Variants in PBRM1 observed in about 807,000 individuals in gnomAD.
PBRM1 encodes the protein polybromo 1, also known as protein polybromo-1.
In PBRM1, 27 loss-of-function variants were observed where a neutral mutation model predicts 194.5. The ratio of observed to expected loss-of-function variants is 0.14; its 90% CI spans 0.10 to 0.19. PBRM1 has a LOEUF of 0.19. Among genes scored for constraint, PBRM1 ranks in the 10% least tolerant of loss-of-function variants. The pLI, the probability that PBRM1 is intolerant of heterozygous loss-of-function variation, is 1.00. For missense variants in PBRM1, 1,466 were observed against 2,077.2 expected (o/e 0.71, Z 5.72); for synonymous variants, 655 against 693.2 (o/e 0.94, Z 0.87).
At chr3:52,604,613 A>G (rs2094218943) in intron 16 of PBRM1, among the ~76,000 whole-genome samples, 1 of 152,006 alleles carries the variant, frequency 6.6e-6, no homozygotes. Flanking sequence ...GGGTCACTTG[A>G]GCCCAGGAGT....
intron 5 of PBRM1, 124 bp from the exon 7 acceptor site, chr3:52,651,934 T>G: frequency 1.6e-6 from 1 of 635,162 alleles, no homozygotes; most frequent in South Asian, 2.0e-5. Flanking sequence ...GATTCAAGAC[T>G]AAAGACATGG....
chr3:52,570,969 C>T (rs559467022), intron 22 of PBRM1, among the ~76,000 whole-genome samples: 69 of 151,890 alleles, frequency 4.5e-4, no homozygotes, highest in African/African-American at 1.7e-3. Flanking sequence ...GCGACTCTCC[C>T]ATCTTGGCCT....
At chr3:52,684,630 C>T (rs2154088752), upstream of PBRM1, among the ~76,000 whole-genome samples, 1 of 152,284 alleles carries the variant, frequency 6.6e-6, no homozygotes, top group Non-Finnish European at 1.5e-5. Context: ...TATTATTCTA[C>T]AGCCTGTGTT....
chr3:52,617,861 G>C (rs937804441), intron 13 of PBRM1, among the ~76,000 whole-genome samples: 2 of 152,128 alleles, frequency 1.3e-5, no homozygotes, highest in African/African-American at 4.8e-5. Context: ...AGTCAACTGA[G>C]ATATATTTTT....
At chr3:52,587,374 C>G (rs775626700) in exon 19 of PBRM1, 1 of 1,609,838 alleles carries the variant, frequency 6.2e-7, no homozygotes, top group Admixed American at 1.7e-5. Context: ...TGACCACACA[C>G]TTGCCTAGAA....
At position 52,575,585 on chromosome 3, in the gene PBRM1, C is replaced by G. The variant is rs183933638; in HGVS notation, c.3691+956G>C. 2.2e-3 allele frequency among the ~76,000 whole-genome samples: 229 copies of G among 106,052 alleles called. 8 individuals carry two copies. In the East Asian group the frequency reaches 0.056, roughly 26 times the overall value. 69.6% of individuals were successfully genotyped at this position (106,052 alleles called of 152,430 possible). On this transcript the variant is annotated intron_variant, in intron 22 of 29. Coordinates refer to ENST00000296302, the Ensembl canonical transcript of PBRM1. The stretch of plus-strand genomic sequence containing the variant: ...CTAGAGTGCAGTGGCGTGATCTTGG[C>G]TCACTGCAGCCTCTGCCTCTGCCTC...
intron 29 of PBRM1, among the ~76,000 whole-genome samples, chr3:52,549,752 A>T (rs904888263): frequency 2.0e-5 from 3 of 152,064 alleles, no homozygotes; most frequent in African/African-American, 7.2e-5. Context: ...TAAAGATAAA[A>T]AAATTAGCTG....
At chr3:52,600,170 T>C (rs1293137154) in intron 17 of PBRM1, among the ~76,000 whole-genome samples, 1 of 152,194 alleles carries the variant, frequency 6.6e-6, no homozygotes, top group Non-Finnish European at 1.5e-5. Context: ...TCTCTTTTTA[T>C]CTATTTGGGG....
upstream of PBRM1, among the ~76,000 whole-genome samples, chr3:52,680,884 C>A (rs1290363596): frequency 6.6e-6 from 1 of 151,894 alleles, no homozygotes; most frequent in Non-Finnish European, 1.5e-5. Context: ...TGGTCCCAAT[C>A]TCTTGACCTC....
intron 10 of PBRM1, among the ~76,000 whole-genome samples, chr3:52,638,528 T>A (rs1396777423): frequency 6.6e-6 from 1 of 151,954 alleles, no homozygotes; most frequent in African/African-American, 2.4e-5. Context: ...CTGGCTAATT[T>A]TTCTATTTTT....
At chr3:52,577,537 T>TGCTCCATATTATC (rs1400382513) in intron 21 of PBRM1, among the ~76,000 whole-genome samples, 2 of 152,018 alleles carry the variant, frequency 1.3e-5, no homozygotes, top group East Asian at 1.9e-4. Flanking sequence ...ACATTATTAT[T>TGCTCCATATTATC]GCTCCATATT....
At chr3:52,610,899 A>G (rs975612713) in intron 15 of PBRM1, among the ~76,000 whole-genome samples, 1 of 152,222 alleles carries the variant, frequency 6.6e-6, no homozygotes, top group African/African-American at 2.4e-5. Flanking sequence ...AGATCAAGCC[A>G]TTACACTCTA....
intron 22 of PBRM1, among the ~76,000 whole-genome samples, chr3:52,567,756 C>T (rs1053553132): frequency 4.0e-5 from 6 of 150,396 alleles, no homozygotes; most frequent in Non-Finnish European, 8.9e-5. Context: ...CTCAGCCTCC[C>T]GAGTAGCTGG....
intron 5 of PBRM1, among the ~76,000 whole-genome samples, chr3:52,657,234 A>G (rs2096624181): frequency 6.6e-6 from 1 of 152,224 alleles, no homozygotes; most frequent in Non-Finnish European, 1.5e-5. Context: ...TTGCATAAAA[A>G]TGTGAATGTA....
chr3:52,583,178 G>A (rs1389391845), intron 20 of PBRM1, among the ~76,000 whole-genome samples: 1 of 151,554 alleles, frequency 6.6e-6, no homozygotes, highest in Non-Finnish European at 1.5e-5. Context: ...GGGAGGCCGA[G>A]GCAGGCGGAT....
chr3:52,583,346 C>T (rs537245060), intron 20 of PBRM1, among the ~76,000 whole-genome samples: 82 of 149,604 alleles, frequency 5.5e-4, no homozygotes, highest in African/African-American at 2.0e-3. Flanking sequence ...GGAAGGCGGA[C>T]GTTACAGTGA....
At chr3:52,598,451 T>C (rs537723370) in intron 17 of PBRM1, among the ~76,000 whole-genome samples, 3 of 152,382 alleles carry the variant, frequency 2.0e-5, no homozygotes, top group African/African-American at 7.2e-5. Flanking sequence ...ACAATATCTG[T>C]CCTTTTCAGT....
upstream of PBRM1, among the ~76,000 whole-genome samples, chr3:52,680,806 G>A (rs531761739): frequency 1.5e-4 from 23 of 152,118 alleles, no homozygotes; most frequent in African/African-American, 5.3e-4. Context: ...GGACTAAGGC[G>A]TGTGCCATCA....
chr3:52,651,471 A>T (rs1365764886), intron 6 of PBRM1, among the ~76,000 whole-genome samples: 1 of 152,232 alleles, frequency 6.6e-6, no homozygotes, highest in Non-Finnish European at 1.5e-5. Flanking sequence ...CACCCACAAA[A>T]ATAAAAAATT....
Sources: gnomAD v4.1 joint callset for allele counts (sites outside exome capture counted in the v4.1 genomes callset) on GRCh38, gnomAD v4.1.1 for gene constraint, MANE v1.5 for transcripts, NCBI Gene and HGNC (gene_info 2026-07-23, HGNC 2026-07-21) for gene names.